The following AGPS variants were observed in gnomAD, a reference collection of about 807,000 sequenced individuals.
AGPS encodes the protein alkyldihydroxyacetonephosphate synthase, peroxisomal.
In AGPS, 26 loss-of-function variants were observed where a neutral mutation model predicts 90.7. The observed-to-expected ratio is 0.29, with a 90% CI of 0.21 to 0.40. The LOEUF is 0.40. Ranked by LOEUF, AGPS falls within the 10% of genes least tolerant of loss-of-function variation. The probability of loss-of-function intolerance (pLI) is 1.00; values close to 1 mark genes in which losing one functional copy is unlikely to be tolerated. For synonymous variants in AGPS, 294 were observed against 285.3 expected (o/e 1.03, Z -0.31); for missense variants, 540 against 816.1 (o/e 0.66, Z 4.12).
intron 10 of AGPS, among the ~76,000 whole-genome samples, chr2:177,479,819 G>A (rs1015771594): frequency 2.0e-5 from 3 of 152,112 alleles, no homozygotes; most frequent in Non-Finnish European, 4.4e-5. Flanking sequence ...TCTTTTTTGG[G>A]ATGATGAAAA....
chr2:177,396,820 A>T (rs1685189309), intron 1 of AGPS, among the ~76,000 whole-genome samples: 1 of 152,208 alleles, frequency 6.6e-6, no homozygotes, highest in Non-Finnish European at 1.5e-5. Context: ...GAATGACAAT[A>T]GAAAAGGGAT....
Position 177,543,648 on chromosome 2 carries a change from C to T in AGPS, c.*5453C>T, listed in dbSNP as rs560420420. The T allele has an allele frequency of 3.7e-4, 56 of 152,310 alleles. No homozygotes were observed. The highest frequency in any genetic ancestry group is 6.3e-4 in the Non-Finnish European group (43 of 68,018). The allele number at this position is 152,310 out of a possible 1,614,324, so 9.4% of individuals were successfully genotyped here. A position where few individuals can be genotyped will look rare whatever the true frequency, so the allele number is the denominator to read the frequency against. On this transcript the variant is annotated 3_prime_UTR_variant, in exon 20 of 20. Coordinates refer to ENST00000264167, the MANE Select transcript of AGPS (RefSeq NM_003659.4). ...AAATTCCTGAGAGATTCCAGCATAG[C>T]TTTGTCAATTCCGACTGAGCCATAC...
chr2:177,481,018 T>C (rs1181989217), intron 10 of AGPS, among the ~76,000 whole-genome samples: 1 of 152,126 alleles, frequency 6.6e-6, no homozygotes, highest in Non-Finnish European at 1.5e-5. Context: ...TATTGTGATC[T>C]AATGTAATTT....
Position 177,441,036 on chromosome 2 carries a change from GGTAGGTATTGTGCCTTTTGAAT to G in AGPS, c.709+1_709+22del. ...TAATCTTTGTATCATACCAATTGGT[GGTAGGTATTGTGCCTTTTGAAT>G]TTTAATATGTAAATTTGTTCTATTT... is the stretch of plus-strand genomic sequence containing the variant. On this transcript the variant is annotated splice_donor_variant and splice_donor_5th_base_variant and intron_variant, in intron 6 of 19. Transcript: ENST00000264167. LOFTEE classifies it high-confidence loss of function. 6.2e-7 allele frequency: 1 copy of G among 1,608,260 alleles called. No individual in the cohort carries two copies. Among genetic ancestry groups the G allele is most frequent in the Non-Finnish European group, 8.5e-7 (1 of 1,175,356 alleles).
At chr2:177,431,859 A>G (rs1686253616) in intron 2 of AGPS, among the ~76,000 whole-genome samples, 1 of 152,194 alleles carries the variant, frequency 6.6e-6, no homozygotes, top group African/African-American at 2.4e-5. Flanking sequence ...TTTGTACAAT[A>G]GTGGTCCTGA....
intron 18 of AGPS, among the ~76,000 whole-genome samples, chr2:177,522,394 G>A (rs1326004361): frequency 6.6e-6 from 1 of 152,114 alleles, no homozygotes; most frequent in Admixed American, 6.5e-5. Flanking sequence ...TTTGTTAGAG[G>A]ATATAAATTC....
chr2:177,451,910 A>C (rs950804760), intron 8 of AGPS, among the ~76,000 whole-genome samples: 2 of 151,844 alleles, frequency 1.3e-5, no homozygotes, highest in African/African-American at 4.8e-5. Context: ...AATATTTTCT[A>C]CTTCTTTGAT....
rs749699438 is a variant in AGPS at position 177,468,531 on chromosome 2, A to G, written c.1105+7A>G. 3.8e-6 allele frequency: 6 copies of G among 1,578,564 alleles called. No homozygotes were observed. Among genetic ancestry groups the G allele is most frequent in the Non-Finnish European group, 5.2e-6 (6 of 1,148,272 alleles). On this transcript the variant is annotated splice_region_variant and intron_variant, in intron 10 of 19. Coordinates refer to ENST00000264167, the MANE Select transcript of AGPS (RefSeq NM_003659.4). ...TTCATCATGGGATCTGAAGGTAAAT[A>G]TAACTGTAAATTTATTAAGAAAAAA...
chr2:177,446,444 T>C (rs1686777877), intron 8 of AGPS, among the ~76,000 whole-genome samples: 1 of 152,126 alleles, frequency 6.6e-6, no homozygotes, highest in Non-Finnish European at 1.5e-5. Context: ...CCTGGCCGAC[T>C]GTTGCTTTTG....
At chr2:177,424,873 GTCT>G (rs1686034004) in intron 2 of AGPS, among the ~76,000 whole-genome samples, 2 of 152,176 alleles carry the variant, frequency 1.3e-5, no homozygotes. Context: ...CTGCATGAAT[GTCT>G]TCTTTTGAGA....
intron 5 of AGPS, among the ~76,000 whole-genome samples, chr2:177,438,983 T>TACACACACACACACAC (rs1252168755): frequency 6.7e-5 from 10 of 150,066 alleles, no homozygotes; most frequent in African/African-American, 2.4e-4. Flanking sequence ...ATTCTTGCAA[T>TACACACACACACACAC]ACACACACAC....
At chr2:177,401,853 G>C (rs995056373) in intron 1 of AGPS, among the ~76,000 whole-genome samples, 1 of 152,114 alleles carries the variant, frequency 6.6e-6, no homozygotes, top group Non-Finnish European at 1.5e-5. Context: ...GCTGATTCCA[G>C]ATTTTTAAAA....
intron 11 of AGPS, among the ~76,000 whole-genome samples, chr2:177,488,163 G>A (rs1337277430): frequency 6.6e-6 from 1 of 151,538 alleles, no homozygotes. Context: ...AAGTTTTTAT[G>A]TCCAGAAATT....
chr2:177,409,919 A>C (rs1316864317), intron 1 of AGPS, among the ~76,000 whole-genome samples: 2 of 152,194 alleles, frequency 1.3e-5, no homozygotes, highest in Admixed American at 6.5e-5. Flanking sequence ...ACAGGCCCTG[A>C]CTATCTGCTT....
intron 9 of AGPS, among the ~76,000 whole-genome samples, chr2:177,465,353 G>A (rs576524387): frequency 5.5e-4 from 83 of 151,926 alleles, no homozygotes; most frequent in African/African-American, 1.7e-3. Flanking sequence ...TAACATCTTC[G>A]TATTCATCCT....
intron 1 of AGPS, among the ~76,000 whole-genome samples, chr2:177,403,923 A>G (rs1359515864): frequency 6.6e-6 from 1 of 152,202 alleles, no homozygotes; most frequent in African/African-American, 2.4e-5. Context: ...TAAGCTTTTT[A>G]CAATTAAATC....
At chr2:177,495,118 A>G (rs1003271518) in intron 12 of AGPS, among the ~76,000 whole-genome samples, 1 of 152,208 alleles carries the variant, frequency 6.6e-6, no homozygotes, top group African/African-American at 2.4e-5. Flanking sequence ...GATATATATC[A>G]TTGTGTATAT....
At chr2:177,526,973 C>T in intron 19 of AGPS, among the ~76,000 whole-genome samples, 1 of 152,148 alleles carries the variant, frequency 6.6e-6, no homozygotes, top group Admixed American at 6.5e-5. Context: ...GCCCAAAAAT[C>T]AGTAATAATT....
At chr2:177,533,167 A>G (rs2079152887) in intron 19 of AGPS, among the ~76,000 whole-genome samples, 1 of 152,118 alleles carries the variant, frequency 6.6e-6, no homozygotes. Context: ...AGTTTCTTTG[A>G]CTGGCCTTTT....
Sources: gnomAD v4.1 joint callset for allele counts (sites outside exome capture counted in the v4.1 genomes callset) on GRCh38, gnomAD v4.1.1 for gene constraint, MANE v1.5 for transcripts, NCBI Gene and HGNC (gene_info 2026-07-23, HGNC 2026-07-21) for gene names.